The following ROBO2 variants were observed in gnomAD, a reference collection of about 807,000 sequenced individuals.
ROBO2 encodes the protein roundabout homolog 2.
A neutral mutation model predicts 160.8 loss-of-function variants in ROBO2; 53 were observed. That is an observed-to-expected ratio of 0.33 (90% CI 0.26 to 0.41). The LOEUF is 0.41. ROBO2 is among the 10% of genes least tolerant of loss of function. The pLI, the probability that ROBO2 is intolerant of heterozygous loss-of-function variation, is 1.00. For synonymous variants in ROBO2, 664 were observed against 611.7 expected, an observed-to-expected ratio of 1.09 and a Z score of -1.26; for missense variants, 1,577 against 1,722.4, an observed-to-expected ratio of 0.92 and a Z score of 1.49.
intron 2 of ROBO2, among the ~76,000 whole-genome samples, chr3:76,080,194 C>T (rs970409229): frequency 8.5e-5 from 13 of 152,250 alleles, no homozygotes; most frequent in Middle Eastern, 3.4e-3. Flanking sequence ...AGGATGCTGA[C>T]GAAAACACCC....
intron 2 of ROBO2, among the ~76,000 whole-genome samples, chr3:76,948,199 G>A (rs1037213016): frequency 6.6e-6 from 1 of 152,058 alleles, no homozygotes; most frequent in Non-Finnish European, 1.5e-5. Context: ...TTCACTCTTG[G>A]CAGAAAAGCT....
intron 2 of ROBO2, among the ~76,000 whole-genome samples, chr3:76,391,837 G>A (rs1036041900): frequency 2.6e-5 from 4 of 152,142 alleles, no homozygotes; most frequent in African/African-American, 9.7e-5. Context: ...TTTAAGAGAA[G>A]TGTTTGTGGT....
intron 2 of ROBO2, among the ~76,000 whole-genome samples, chr3:76,360,419 T>A (rs757075216): frequency 1.3e-5 from 2 of 152,042 alleles, no homozygotes; most frequent in Non-Finnish European, 2.9e-5. Context: ...TTTAAAAAAA[T>A]TTATGTAAAG....
At chr3:76,741,818 TG>T (rs1375038368) in intron 2 of ROBO2, among the ~76,000 whole-genome samples, 1 of 152,094 alleles carries the variant, frequency 6.6e-6, no homozygotes, top group Non-Finnish European at 1.5e-5. Flanking sequence ...TGGGCTAGAA[TG>T]GCATTGTGTT....
chr3:77,029,356 G>C (rs1578366354), intron 2 of ROBO2, among the ~76,000 whole-genome samples: 1 of 152,106 alleles, frequency 6.6e-6, no homozygotes, highest in South Asian at 2.1e-4. Context: ...ATTGAATGTA[G>C]AAGAAAAATG....
At chr3:77,159,639 T>C (rs933414701) in intron 2 of ROBO2, among the ~76,000 whole-genome samples, 1 of 152,176 alleles carries the variant, frequency 6.6e-6, no homozygotes, top group Admixed American at 6.5e-5. Context: ...AATTGAAGGA[T>C]TAAAAGCTCT....
intron 2 of ROBO2, among the ~76,000 whole-genome samples, chr3:77,101,857 T>C (rs1367985437): frequency 2.6e-5 from 4 of 152,100 alleles, no homozygotes; most frequent in Admixed American, 2.6e-4. Context: ...CTGGGCAACA[T>C]GGTGAAACCC....
chr3:76,399,733 G>C (rs1482939416), intron 2 of ROBO2, among the ~76,000 whole-genome samples: 3 of 151,662 alleles, frequency 2.0e-5, no homozygotes, highest in Non-Finnish European at 4.4e-5. Flanking sequence ...GAGGCCGTCA[G>C]GGGAGTCTAC....
chr3:76,745,343 C>T (rs1393876100), intron 2 of ROBO2, among the ~76,000 whole-genome samples: 3 of 152,152 alleles, frequency 2.0e-5, no homozygotes, highest in Non-Finnish European at 2.9e-5. Context: ...TTGATTGCAA[C>T]AGCTGGTGTG....
intron 2 of ROBO2, among the ~76,000 whole-genome samples, chr3:76,054,414 T>G (rs186946380): frequency 6.6e-6 from 1 of 152,198 alleles, no homozygotes; most frequent in Non-Finnish European, 1.5e-5. Context: ...ATAGAGTGAG[T>G]TTAGACAGAA....
chr3:75,955,892 A>G (rs954552837), intron 2 of ROBO2, among the ~76,000 whole-genome samples: 1 of 151,736 alleles, frequency 6.6e-6, no homozygotes, highest in Non-Finnish European at 1.5e-5. Flanking sequence ...AAATGCTTTT[A>G]TTTATATATA....
chr3:76,706,121 C>T (rs1418010650), intron 2 of ROBO2, among the ~76,000 whole-genome samples: 1 of 152,002 alleles, frequency 6.6e-6, no homozygotes, highest in African/African-American at 2.4e-5. Context: ...TAACAATTGG[C>T]ATTTTAACTT....
At chr3:75,936,062 G>T (rs1480691146) in intron 1 of ROBO2, among the ~76,000 whole-genome samples, 1 of 152,286 alleles carries the variant, frequency 6.6e-6, no homozygotes, top group African/African-American at 2.4e-5. Flanking sequence ...TTTTCATGGA[G>T]TGTTTATTGG....
chr3:75,978,603 A>G (rs2065193724), intron 2 of ROBO2, among the ~76,000 whole-genome samples: 1 of 149,270 alleles, frequency 6.7e-6, no homozygotes, highest in Admixed American at 6.6e-5. Context: ...AATATGAAGT[A>G]TTTGGTTTTC....
intron 4 of ROBO2, among the ~76,000 whole-genome samples, chr3:77,481,881 A>G (rs1249241327): frequency 6.6e-6 from 1 of 152,178 alleles, no homozygotes; most frequent in Non-Finnish European, 1.5e-5. Flanking sequence ...GGGGACAAAT[A>G]AAGATGGCCG....
At chr3:77,246,067 A>G (rs1044074523) in intron 2 of ROBO2, among the ~76,000 whole-genome samples, 2 of 152,214 alleles carry the variant, frequency 1.3e-5, no homozygotes, top group Non-Finnish European at 2.9e-5. Context: ...AAACATGTAA[A>G]CATAGTAATT....
intron 2 of ROBO2, among the ~76,000 whole-genome samples, chr3:76,736,186 G>A (rs972459734): frequency 6.6e-5 from 10 of 151,718 alleles, no homozygotes; most frequent in Non-Finnish European, 1.3e-4. Flanking sequence ...GGAGGCTGAG[G>A]CAGGAGAATG....
intron 17 of ROBO2, among the ~76,000 whole-genome samples, chr3:77,593,958 C>A (rs774034130): frequency 2.0e-5 from 3 of 152,140 alleles, no homozygotes; most frequent in Non-Finnish European, 4.4e-5. Flanking sequence ...ATTGGGTTCA[C>A]AGCTGTGAAA....
At chr3:76,503,302 C>G in intron 2 of ROBO2, among the ~76,000 whole-genome samples, 1 of 152,132 alleles carries the variant, frequency 6.6e-6, no homozygotes, top group South Asian at 2.1e-4. Context: ...AACGGTGGAT[C>G]TGCCTTCCCC....
Sources: gnomAD v4.1 joint callset for allele counts (sites outside exome capture counted in the v4.1 genomes callset) on GRCh38, gnomAD v4.1.1 for gene constraint, MANE v1.5 for transcripts, NCBI Gene and HGNC (gene_info 2026-07-23, HGNC 2026-07-21) for gene names.